The following RASGRF2 variants were observed in gnomAD, a reference collection of about 807,000 sequenced individuals.
The protein encoded by RASGRF2 is ras-specific guanine nucleotide-releasing factor 2.
In RASGRF2, 76 loss-of-function variants were observed where a neutral mutation model predicts 151.0. That is an observed-to-expected ratio of 0.50 (90% confidence interval 0.42 to 0.61). RASGRF2 has a LOEUF of 0.61. RASGRF2 is among the 20% of genes least tolerant of loss of function. The pLI is 0.00. For synonymous variants in RASGRF2, 504 were observed against 566.5 expected (o/e 0.89, Z 1.57); for missense variants, 1,148 against 1,564.6 (o/e 0.73, Z 4.49).
At chr5:81,170,326 C>A (rs886543424) in intron 17 of RASGRF2, among the ~76,000 whole-genome samples, 1 of 152,268 alleles carries the variant, frequency 6.6e-6, no homozygotes, top group African/African-American at 2.4e-5. Context: ...GCCAGAGTAA[C>A]CTTTCTAAAA....
intron 17 of RASGRF2, among the ~76,000 whole-genome samples, chr5:81,148,517 A>G (rs530542201): frequency 6.6e-6 from 1 of 152,266 alleles, no homozygotes; most frequent in African/African-American, 2.4e-5. Context: ...AGGGATCTGA[A>G]CCTATTTCTT....
At chr5:81,198,898 G>A (rs2112709916) in intron 18 of RASGRF2, among the ~76,000 whole-genome samples, 1 of 152,308 alleles carries the variant, frequency 6.6e-6, no homozygotes, top group African/African-American at 2.4e-5. Flanking sequence ...CTTTTTGGTA[G>A]AGCAATTTAT....
chr5:81,094,526 G>C (rs1029713135), intron 11 of RASGRF2, among the ~76,000 whole-genome samples, 164 bp downstream of exon 11: 9 of 152,144 alleles, frequency 5.9e-5, no homozygotes, highest in Non-Finnish European at 7.3e-5. Context: ...AATTTGTTTT[G>C]TGATAGTGAC....
intron 23 of RASGRF2, among the ~76,000 whole-genome samples, chr5:81,214,272 G>A (rs1755685456): frequency 6.6e-6 from 1 of 152,314 alleles, no homozygotes; most frequent in Non-Finnish European, 1.5e-5. Flanking sequence ...TAGCATTTCA[G>A]TCACATTATA....
chr5:81,071,318 C>T (rs1751767355), intron 4 of RASGRF2, among the ~76,000 whole-genome samples: 1 of 152,074 alleles, frequency 6.6e-6, no homozygotes. Context: ...TAATCTTTCC[C>T]CTTTCACTGT....
chr5:81,037,142 G>A (rs1260602588), intron 1 of RASGRF2, among the ~76,000 whole-genome samples: 1 of 152,160 alleles, frequency 6.6e-6, no homozygotes, highest in Non-Finnish European at 1.5e-5. Context: ...CAGTATGGGA[G>A]AAGCCACCCC....
intron 1 of RASGRF2, among the ~76,000 whole-genome samples, chr5:80,979,577 C>T (rs541720363): frequency 6.6e-5 from 10 of 152,250 alleles, no homozygotes; most frequent in African/African-American, 2.4e-4. Context: ...TCCCTAAAAT[C>T]TTCACTAACT....
chr5:81,019,131 C>G (rs950748993), intron 1 of RASGRF2, among the ~76,000 whole-genome samples: 1 of 152,194 alleles, frequency 6.6e-6, no homozygotes, highest in African/African-American at 2.4e-5. Context: ...CTTGGAATCT[C>G]TCTTCTGACT....
chr5:80,976,371 C>G (rs1189500052), intron 1 of RASGRF2, among the ~76,000 whole-genome samples: 2 of 152,126 alleles, frequency 1.3e-5, no homozygotes, highest in Non-Finnish European at 2.9e-5. Flanking sequence ...TCACTTGGGG[C>G]AAACCTTTAC....
intron 17 of RASGRF2, among the ~76,000 whole-genome samples, chr5:81,131,925 C>A (rs541101209): frequency 2.0e-5 from 3 of 152,152 alleles, no homozygotes; most frequent in Non-Finnish European, 4.4e-5. Flanking sequence ...TGTGCTTTCA[C>A]TATTACTTCT....
chr5:81,219,824 A>C, intron 26 of RASGRF2, 46 bp downstream of exon 26: 1 of 1,437,866 alleles, frequency 7.0e-7, no homozygotes, highest in Non-Finnish European at 9.7e-7. Flanking sequence ...AAAAAGGGGA[A>C]ATTAATGAAT....
At chr5:81,067,532 A>T (rs898245987) in intron 2 of RASGRF2, among the ~76,000 whole-genome samples, 1 of 152,214 alleles carries the variant, frequency 6.6e-6, no homozygotes, top group Non-Finnish European at 1.5e-5. Context: ...AGCCCAACAG[A>T]GTTGGTAGTC....
At chr5:81,069,363 T>C (rs1437925188) in intron 3 of RASGRF2, among the ~76,000 whole-genome samples, 1 of 152,394 alleles carries the variant, frequency 6.6e-6, no homozygotes, top group South Asian at 2.1e-4. Flanking sequence ...AACAGAAAAC[T>C]TAACAAACCT....
In RASGRF2 at chr5:81,024,974, C is replaced by T. The variant is rs549670698; in HGVS notation, c.289-17903C>T. On this transcript the variant is annotated intron_variant, in intron 1 of 26. Coordinates refer to ENST00000265080, the MANE Select transcript of RASGRF2 (RefSeq NM_006909.3). ...AGCTTCCTGGGCTGCTCTGACTTCT[C>T]CAAGTTGGGACCCATCCAGCAGGGG... is the stretch of plus-strand genomic sequence containing the variant. Among the ~76,000 whole-genome samples, 191 of 152,316 alleles carry T rather than the reference C, an allele frequency of 1.3e-3. 1 individual carries two copies. Among genetic ancestry groups the T allele is most frequent in the African/African-American group, 4.5e-3 (185 of 41,572 alleles).
At chr5:81,142,191 T>A (rs1349844809) in intron 17 of RASGRF2, among the ~76,000 whole-genome samples, 4 of 151,918 alleles carry the variant, frequency 2.6e-5, no homozygotes, top group African/African-American at 9.7e-5. Context: ...TCCAATGGAG[T>A]GTAGATGGGG....
chr5:81,183,285 G>A lies in RASGRF2; in HGVS notation c.2793+3004G>A, dbSNP rs1006914454. On this transcript the variant is annotated intron_variant, in intron 18 of 26. Coordinates refer to ENST00000265080, the MANE Select transcript of RASGRF2 (RefSeq NM_006909.3). ...GAATCAAGGCTGCCACAGAGTGTTC[G>A]ACATCATCTAATTATTTCTCACTTC... 1.5e-5 allele frequency: 15 copies of A among 982,246 alleles called. No homozygotes were observed. In the East Asian group the frequency reaches 3.4e-4, roughly 22 times the overall value. The allele number at this position is 982,246 out of a possible 1,614,324, so 60.8% of individuals were successfully genotyped here. A position where few individuals can be genotyped will look rare whatever the true frequency, so the allele number is the denominator to read the frequency against.
chr5:81,024,458 C>T (rs959342274), intron 1 of RASGRF2, among the ~76,000 whole-genome samples: 4 of 151,760 alleles, frequency 2.6e-5, no homozygotes, highest in Non-Finnish European at 4.4e-5. Flanking sequence ...TGGGGTTTCA[C>T]TATGTTGGCC....
In RASGRF2 at chr5:81,092,830, A is replaced by G; in HGVS notation, c.1420A>G (p.Arg474Gly). Reference sequence around the variant, plus strand: ...TCTTATTCAAGTACCTTCCGTTGAGAGGGGGAAACTTAGTAAAGTTCGCCT... The same window carrying G: ...TCTTATTCAAGTACCTTCCGTTGAGGGGGGGAAACTTAGTAAAGTTCGCCT... ...GSLIQVPSVE[R>G]GKLSKVRLGS... is the part of the protein sequence containing the mutation. Residue 474 changes from arginine (R) to glycine (G), a missense_variant, in exon 10 of 27, where the codon AGG becomes GGG. Arg to Gly is a moderately radical substitution (Grantham distance 125, BLOSUM62 -2). This residue lies in a region of RASGRF2 where 646 missense variants were observed against 807.4 expected (regional missense o/e 0.80). Transcript: ENST00000265080. 6.2e-7 allele frequency: 1 copy of G among 1,613,448 alleles called. No individual in the cohort carries two copies. Among genetic ancestry groups the G allele is most frequent in the Non-Finnish European group, 8.5e-7 (1 of 1,179,568 alleles).
In RASGRF2 at chr5:81,109,785, G is replaced by A. The variant is rs566061587; in HGVS notation, c.1838+707G>A. Among the ~76,000 whole-genome samples the A allele has an allele frequency of 2.0e-5, 3 of 152,322 alleles. No individual in the cohort carries two copies. In the South Asian group the frequency reaches 6.2e-4, roughly 32 times the overall value. ...AGTGTCTACGTCCAATCTCATTTGT[G>A]TAACCACTTACATACAGACCAGGAC... On this transcript the variant is annotated intron_variant, in intron 13 of 26. Transcript: ENST00000265080.
Sources: gnomAD v4.1 joint callset for allele counts (sites outside exome capture counted in the v4.1 genomes callset) on GRCh38, gnomAD v4.1.1 for gene constraint, gnomAD v4.1.1 regional missense constraint, MANE v1.5 for transcripts, NCBI Gene and HGNC (gene_info 2026-07-23, HGNC 2026-07-21) for gene names.